The following ASMT variants were observed in gnomAD, a reference collection of about 807,000 sequenced individuals.
The protein encoded by ASMT is acetylserotonin O-methyltransferase.
Under a neutral mutation model 41.3 loss-of-function variants are expected in ASMT, and 53 were observed. That is an observed-to-expected ratio of 1.28 (90% CI 1.03 to 1.61). The LOEUF (loss-of-function observed/expected upper bound fraction) is 1.61, where lower values mean the gene tolerates loss of function less well. Ranked by LOEUF, ASMT falls within the 40% of genes most tolerant of loss-of-function variation. The pLI is 0.00. For missense variants in ASMT, 531 were observed against 441.3 expected, an observed-to-expected ratio of 1.20 and a Z score of -1.82; for synonymous variants, 231 against 184.8, an observed-to-expected ratio of 1.25 and a Z score of -2.03.
At chrX:1,627,884 AT>A (rs1162487266) in intron 4 of ASMT, 113 bp downstream of exon 4, 2 of 1,039,776 alleles carry the variant, frequency 1.9e-6, no homozygotes, top group South Asian at 1.3e-5. Context: ...GGAAGCTGCC[AT>A]TTAATTTAAA....
chrX:1,630,220 G>T (rs1222501056), intron 5 of ASMT, among the ~76,000 whole-genome samples: 2 of 151,036 alleles, frequency 1.3e-5, no homozygotes, highest in Non-Finnish European at 2.9e-5. Context: ...TGCAACCTTT[G>T]CCTCCTGGGT....
At chrX:1,625,781 C>T (rs1473227783) in intron 3 of ASMT, among the ~76,000 whole-genome samples, 13 of 151,214 alleles carry the variant, frequency 8.6e-5, no homozygotes, top group African/African-American at 1.9e-4. Context: ...GGTGAAACCC[C>T]GTCTCTATTA....
intron 1 of ASMT, among the ~76,000 whole-genome samples, chrX:1,620,952 C>T (rs1280675540): frequency 2.6e-5 from 4 of 151,202 alleles, no homozygotes; most frequent in Admixed American, 2.0e-4. Flanking sequence ...AAAATTTAGC[C>T]GGGTGTGGTG....
intron 1 of ASMT, among the ~76,000 whole-genome samples, chrX:1,622,797 A>G (rs1934383143): frequency 6.6e-6 from 1 of 151,674 alleles, no homozygotes; most frequent in South Asian, 2.1e-4. Flanking sequence ...CTGTAATCCC[A>G]GCTACTCGGG....
At chrX:1,627,493 C>A (rs1264612374) in intron 3 of ASMT, among the ~76,000 whole-genome samples, 1 of 143,930 alleles carries the variant, frequency 6.9e-6, no homozygotes, top group East Asian at 2.1e-4. Context: ...TGGTGGCGGG[C>A]GCCTATAGTC....
chrX:1,640,447 CTG>C (rs1223115633), intron 8 of ASMT, among the ~76,000 whole-genome samples: 1 of 38,658 alleles, frequency 2.6e-5, no homozygotes, highest in Non-Finnish European at 3.8e-5. Flanking sequence ...GGCACAGCCT[CTG>C]TGTGTGAGAT....
intron 8 of ASMT, among the ~76,000 whole-genome samples, chrX:1,637,169 G>A (rs112469428): frequency 0.072 from 4,395 of 60,926 alleles, 400 homozygotes; most frequent in East Asian, 0.28. Flanking sequence ...TGTGTATGAT[G>A]GGGACAGTGT....
chrX:1,632,865 C>T (rs1435497873), intron 6 of ASMT, 78 bp downstream of exon 6: 5 of 524,798 alleles, frequency 9.5e-6, no homozygotes, highest in African/African-American at 1.9e-5. Flanking sequence ...GCCTGGGGGG[C>T]TGGGAGGCTG....
At chrX:1,616,978 G>A (rs1304477913) in intron 1 of ASMT, among the ~76,000 whole-genome samples, 2 of 151,984 alleles carry the variant, frequency 1.3e-5, no homozygotes, top group Non-Finnish European at 2.9e-5. Flanking sequence ...AAAGTGCTGG[G>A]ATTACAGGCG....
chrX:1,615,113 G>A lies in ASMT; in HGVS notation c.-87G>A. ...GTCAGGCAGCAGCTGTGAGCGGGTG[G>A]CTCTTCCCCACCTTGCCAGCAGGCT... On this transcript the variant is annotated 5_prime_UTR_variant, in exon 1 of 9. Transcript: ENST00000381241. 2 of 1,215,662 alleles carry A rather than the reference G, an allele frequency of 1.6e-6. No homozygotes were observed. Among genetic ancestry groups the A allele is most frequent in the South Asian group, 1.3e-5 (1 of 77,462 alleles). The allele number at this position is 1,215,662 out of a possible 1,614,324, so 75.3% of individuals were successfully genotyped here. A position where few individuals can be genotyped will look rare whatever the true frequency, so the allele number is the denominator to read the frequency against.
At chrX:1,633,368 G>A in intron 7 of ASMT, 78 bp downstream of exon 7, 1 of 1,586,644 alleles carries the variant, frequency 6.3e-7, no homozygotes, top group South Asian at 1.1e-5. Flanking sequence ...GGGAAATGAA[G>A]AAGATGTGAT....
At chrX:1,616,925 G>A (rs760480066) in intron 1 of ASMT, among the ~76,000 whole-genome samples, 3 of 151,858 alleles carry the variant, frequency 2.0e-5, no homozygotes, top group Admixed American at 6.6e-5. Context: ...AGCCAGGATG[G>A]TCTCGATCTC....
At chrX:1,636,738 T>G (rs1267884698) in intron 8 of ASMT, 178 bp downstream of exon 8, 1 of 414,076 alleles carries the variant, frequency 2.4e-6, no homozygotes, top group Non-Finnish European at 3.2e-6. Flanking sequence ...TCTATTCTAT[T>G]GATAAAACCA....
Position 1,643,050 on chromosome X carries a change from A to C in ASMT, c.*36A>C. On this transcript the variant is annotated 3_prime_UTR_variant, in exon 9 of 9. Transcript: ENST00000381241. ...TGACCTGGAACTAACGTCAAAGCAC[A>C]CAAGACATAATAATAAAGACATGTA... 6.2e-7 allele frequency: 1 copy of C among 1,601,938 alleles called. No homozygotes were observed. Among genetic ancestry groups the C allele is most frequent in the Non-Finnish European group, 8.6e-7 (1 of 1,168,918 alleles).
At chrX:1,616,956 C>T (rs1187968481) in intron 1 of ASMT, among the ~76,000 whole-genome samples, 11 of 152,032 alleles carry the variant, frequency 7.2e-5, no homozygotes, top group East Asian at 5.9e-4. Context: ...GATCCGCCCG[C>T]CTCGGCCTCC....
At chrX:1,627,608 TGAAATGAAATGAAAC>T (rs1934600253) in intron 3 of ASMT, 80 bp from the exon 4 acceptor site, 3 of 1,296,890 alleles carry the variant, frequency 2.3e-6, no homozygotes, top group Non-Finnish European at 3.4e-6. Flanking sequence ...GCTACAGAGC[TGAAATGAAATGAAAC>T]GAAATGAAAC....
At chrX:1,616,067 A>G (rs190975207) in intron 1 of ASMT, among the ~76,000 whole-genome samples, 1 of 151,092 alleles carries the variant, frequency 6.6e-6, no homozygotes, top group Non-Finnish European at 1.5e-5. Flanking sequence ...CTCACTCTGT[A>G]ACCCAGGCTG....
intron 3 of ASMT, among the ~76,000 whole-genome samples, chrX:1,625,133 C>A (rs1934484711): frequency 7.3e-6 from 1 of 137,460 alleles, no homozygotes; most frequent in South Asian, 2.2e-4. Context: ...GAGATGGAGT[C>A]TTGCTCTGTC....
rs532237209 is a variant in ASMT at position 1,627,577 on chromosome X, T to C, written c.375-126T>C. The C allele has an allele frequency of 1.6e-5, 16 of 975,744 alleles. 2 individuals are homozygous for C. The highest frequency in any genetic ancestry group is 1.1e-4 in the African/African-American group (7 of 64,028). The allele number at this position is 975,744 out of a possible 1,614,324, so 60.4% of individuals were successfully genotyped here. A position where few individuals can be genotyped will look rare whatever the true frequency, so the allele number is the denominator to read the frequency against. On this transcript the variant is annotated intron_variant, in intron 3 of 8. Coordinates refer to ENST00000381241, the MANE Select transcript of ASMT (RefSeq NM_001171038.2). ...CAGAGGTTGCAGTGAGCCGAGATCGTGCCATTGCACTCCAGCCTGGGCTAC... is the reference window on the plus strand; with the variant it reads ...CAGAGGTTGCAGTGAGCCGAGATCGCGCCATTGCACTCCAGCCTGGGCTAC...
Sources: gnomAD v4.1 joint callset for allele counts (sites outside exome capture counted in the v4.1 genomes callset) on GRCh38, gnomAD v4.1.1 for gene constraint, MANE v1.5 for transcripts, NCBI Gene and HGNC (gene_info 2026-07-23, HGNC 2026-07-21) for gene names.